The following TTC23L variants were observed in gnomAD, a reference collection of about 807,000 sequenced individuals.
TTC23L encodes the protein tetratricopeptide repeat protein 23-like.
A neutral mutation model predicts 48.1 loss-of-function variants in TTC23L; 42 were observed. That is an observed-to-expected ratio of 0.87 (90% confidence interval 0.68 to 1.13). The LOEUF (loss-of-function observed/expected upper bound fraction) is 1.13, where lower values mean the gene tolerates loss of function less well. Among genes scored for constraint, TTC23L ranks in the 50% most tolerant of loss-of-function variants. The pLI is 0.00. For synonymous variants in TTC23L, 159 were observed against 157.2 expected, an observed-to-expected ratio of 1.01 and a Z score of -0.09; for missense variants, 391 against 421.0, an observed-to-expected ratio of 0.93 and a Z score of 0.62.
chr5:34,843,057 C>T (rs1052734054), intron 2 of TTC23L, among the ~76,000 whole-genome samples: 14 of 152,202 alleles, frequency 9.2e-5, no homozygotes, highest in African/African-American at 3.4e-4. Context: ...ATCCATGCAC[C>T]TCGGCCTTCC....
rs182095517 is a variant in TTC23L at position 34,847,818 on chromosome 5, G to A, written c.255+2145G>A. 1.2e-3 allele frequency among the ~76,000 whole-genome samples: 182 copies of A among 152,334 alleles called. 1 individual carries two copies. The highest frequency in any genetic ancestry group is 4.2e-3 in the African/African-American group (176 of 41,570). On this transcript the variant is annotated intron_variant, in intron 3 of 10. Coordinates refer to ENST00000505624, the Ensembl canonical transcript of TTC23L. ...TTTCCTTCTACCATTGCTTGCTTCT[G>A]TATATTTGAGCAGGGGGCAGGTAAA...
the TTC23L span, chr5:34,922,745 C>T: frequency 2.0e-5 from 32 of 1,613,992 alleles, no homozygotes; most frequent in East Asian, 4.5e-5. Context: ...GAAAGGTTCT[C>T]GGCCCCTTTT....
At chr5:34,900,486 G>T (rs1763479171), downstream of TTC23L, among the ~76,000 whole-genome samples, 1 of 150,528 alleles carries the variant, frequency 6.6e-6, no homozygotes, top group Non-Finnish European at 1.5e-5. Context: ...GGATGAGAAA[G>T]TGAGACCCTG....
the TTC23L span, chr5:34,914,418 T>C: frequency 2.4e-6 from 1 of 424,224 alleles, no homozygotes; most frequent in East Asian, 4.9e-5. Context: ...GACTGTAGCC[T>C]AGCCAATAGC....
intron 8 of TTC23L, among the ~76,000 whole-genome samples, chr5:34,878,467 T>G (rs1473189568): frequency 1.3e-5 from 2 of 152,236 alleles, no homozygotes; most frequent in African/African-American, 4.8e-5. Context: ...TTCAACTCAA[T>G]TCCAATAATA....
downstream of TTC23L, among the ~76,000 whole-genome samples, chr5:34,901,951 T>G (rs900868337): frequency 1.3e-5 from 2 of 152,212 alleles, no homozygotes; most frequent in African/African-American, 4.8e-5. Flanking sequence ...TGTGGTTGTT[T>G]ATGAAGAAAA....
exon 7 of TTC23L, chr5:34,866,972 G>T: frequency 1.2e-6 from 2 of 1,611,024 alleles, no homozygotes; most frequent in Non-Finnish European, 8.5e-7. Context: ...GCTGCCAAGG[G>T]TGATAGGACG....
At chr5:34,861,550 C>A (rs1760655650) in intron 4 of TTC23L, 1 of 152,228 alleles carries the variant, frequency 6.6e-6, no homozygotes, top group South Asian at 2.1e-4. Context: ...GGAGAAGGGA[C>A]CTGGGTCACC....
chr5:34,915,076 C>G, the TTC23L span: 1 of 605,262 alleles, frequency 1.7e-6, no homozygotes, highest in South Asian at 2.0e-5. Flanking sequence ...CAGGCCGAAC[C>G]CCACCTATGT....
At chr5:34,922,042 T>G in the TTC23L span, 1 of 378,336 alleles carries the variant, frequency 2.6e-6, no homozygotes, top group Non-Finnish European at 4.7e-6. Context: ...TTGGGTAGAA[T>G]ACCTAAGAGG....
At chr5:34,904,714 C>A in the TTC23L span, among the ~76,000 whole-genome samples, 23 of 152,208 alleles carry the variant, frequency 1.5e-4, no homozygotes, top group Non-Finnish European at 2.8e-4. Flanking sequence ...TGACAATATT[C>A]CAGAAATAGT....
the TTC23L span, among the ~76,000 whole-genome samples, chr5:34,911,082 T>C: frequency 6.6e-6 from 1 of 152,234 alleles, no homozygotes; most frequent in Non-Finnish European, 1.5e-5. Context: ...GGTTTTAAGC[T>C]GTTCTTCCCA....
At chr5:34,922,921 C>G in the TTC23L span, 25 of 1,254,266 alleles carry the variant, frequency 2.0e-5, no homozygotes, top group South Asian at 3.1e-4. Flanking sequence ...AGGTTATAGC[C>G]AAGTTATAGA....
chr5:34,917,141 GA>G, the TTC23L span, among the ~76,000 whole-genome samples: 8 of 150,308 alleles, frequency 5.3e-5, no homozygotes, highest in South Asian at 1.7e-3. Context: ...CTCCAAGGGA[GA>G]AAAAAAAACC....
At chr5:34,900,667 T>G (rs1201580053), downstream of TTC23L, among the ~76,000 whole-genome samples, 1 of 152,262 alleles carries the variant, frequency 6.6e-6, no homozygotes, top group Non-Finnish European at 1.5e-5. Flanking sequence ...CAGCTTTTTC[T>G]TGTAATGTCA....
At chr5:34,896,171 C>G (rs1763212214) in intron 9 of TTC23L, among the ~76,000 whole-genome samples, 2 of 152,164 alleles carry the variant, frequency 1.3e-5, no homozygotes, top group African/African-American at 4.8e-5. Context: ...CACAGTGAGC[C>G]AGCTCAGTGT....
Position 34,869,012 on chromosome 5 carries a change from G to C in TTC23L, c.948G>C (p.Arg316Ser), listed in dbSNP as rs1761259239. The C allele has an allele frequency of 1.9e-6, 3 of 1,601,220 alleles. No homozygotes were observed. Among genetic ancestry groups the C allele is most frequent in the Non-Finnish European group, 2.6e-6 (3 of 1,173,304 alleles). Residue 316 changes from arginine (R) to serine (S), a missense_variant and splice_region_variant, in exon 8 of 11, where the codon AGG becomes AGC. Coordinates refer to ENST00000505624, the Ensembl canonical transcript of TTC23L. ...CCATGTCTGGAGAGGCCCAGCACAG[G>C]GGTAGGTAAAAGAGGTAGCCTTGAA...
the TTC23L span, among the ~76,000 whole-genome samples, chr5:34,909,928 G>A: frequency 6.6e-6 from 1 of 152,170 alleles, no homozygotes; most frequent in African/African-American, 2.4e-5. Flanking sequence ...ATGGCGATAA[G>A]ATCCAGGTTG....
intron 1 of TTC23L, among the ~76,000 whole-genome samples, chr5:34,839,860 C>T (rs953587709): frequency 1.3e-5 from 2 of 152,226 alleles, no homozygotes; most frequent in Non-Finnish European, 2.9e-5. Flanking sequence ...CGAGGTTTCT[C>T]CTATCATCTA....
Sources: gnomAD v4.1 joint callset for allele counts (sites outside exome capture counted in the v4.1 genomes callset) on GRCh38, gnomAD v4.1.1 for gene constraint, MANE v1.5 for transcripts, NCBI Gene and HGNC (gene_info 2026-07-23, HGNC 2026-07-21) for gene names.